The following CAP2 variants were observed in gnomAD, a reference collection of about 807,000 sequenced individuals.
The protein encoded by CAP2 is adenylyl cyclase-associated protein 2.
Under a neutral mutation model 57.7 loss-of-function variants are expected in CAP2, and 24 were observed. The ratio of observed to expected loss-of-function variants is 0.42; its 90% CI spans 0.30 to 0.58. The LOEUF (loss-of-function observed/expected upper bound fraction) is 0.58, where lower values mean the gene tolerates loss of function less well. Among genes scored for constraint, CAP2 ranks in the 20% least tolerant of loss-of-function variants. CAP2 has a pLI of 0.22. For missense variants in CAP2, 501 were observed against 590.3 expected (o/e 0.85, Z 1.57); for synonymous variants, 194 against 207.2 (o/e 0.94, Z 0.55).
chr6:17,543,259 T>A, intron 11 of CAP2, 116 bp downstream of exon 11: 1 of 815,514 alleles, frequency 1.2e-6, no homozygotes, highest in Non-Finnish European at 2.1e-6. Context: ...CACGCTGTAA[T>A]AAGCAGCCTT....
rs752335587 is a variant in CAP2, at chr6:17,430,695, C to T, written c.222+4005C>T. On this transcript the variant is annotated intron_variant, in intron 3 of 12. Coordinates refer to ENST00000229922, the MANE Select transcript of CAP2 (RefSeq NM_006366.3). ...CTGGGATTACAGCCGCACGCCACTACGTCTGGCTAATTTTTGTATTTTTCG... is the reference window on the plus strand; with the variant it reads ...CTGGGATTACAGCCGCACGCCACTATGTCTGGCTAATTTTTGTATTTTTCG... 1.7e-4 allele frequency among the ~76,000 whole-genome samples: 26 copies of T among 152,094 alleles called. 1 individual carries two copies. Among genetic ancestry groups the T allele is most frequent in the Non-Finnish European group, 3.1e-4 (21 of 68,022 alleles).
chr6:17,432,584 T>C (rs1334441547), intron 3 of CAP2, among the ~76,000 whole-genome samples: 1 of 152,216 alleles, frequency 6.6e-6, no homozygotes, highest in African/African-American at 2.4e-5. Context: ...GCATCAAGAA[T>C]TCTGCCTCTA....
chr6:17,440,465 A>ACCTCTTC (rs1388303101), intron 3 of CAP2, among the ~76,000 whole-genome samples: 1 of 151,138 alleles, frequency 6.6e-6, no homozygotes, highest in Non-Finnish European at 1.5e-5. Flanking sequence ...GTAATTACTG[A>ACCTCTTC]CCTCTTCCTT....
At chr6:17,432,481 A>G (rs2113548013) in intron 3 of CAP2, among the ~76,000 whole-genome samples, 1 of 152,286 alleles carries the variant, frequency 6.6e-6, no homozygotes, top group East Asian at 1.9e-4. Flanking sequence ...AATTTTTATT[A>G]CCACTAGATG....
intron 4 of CAP2, among the ~76,000 whole-genome samples, chr6:17,485,863 G>A (rs148418460): frequency 4.1e-4 from 63 of 152,314 alleles, no homozygotes; most frequent in Non-Finnish European, 6.2e-4. Flanking sequence ...TAGCGCAGAG[G>A]CTTCTGAGGA....
intron 4 of CAP2, among the ~76,000 whole-genome samples, chr6:17,481,285 TG>T (rs1265361359): frequency 5.9e-5 from 9 of 152,222 alleles, no homozygotes; most frequent in Non-Finnish European, 1.3e-4. Context: ...GTGGTTTTTA[TG>T]GCAGATTTTA....
chr6:17,455,010 A>G lies in CAP2; in HGVS notation c.223-7986A>G, dbSNP rs560232520. Among the ~76,000 whole-genome samples the G allele has an allele frequency of 5.9e-5, 9 of 152,318 alleles. No individual in the cohort carries two copies. In the South Asian group the frequency reaches 1.9e-3, roughly 32 times the overall value. The stretch of plus-strand genomic sequence containing the variant: ...TTTGTTACAGTAGGTTGTTAGTCAG[A>G]CATGAGCAGGGCAGGAGAGCCCCCG... On this transcript the variant is annotated intron_variant, in intron 3 of 12. Transcript: ENST00000229922.
intron 7 of CAP2, among the ~76,000 whole-genome samples, chr6:17,537,865 G>A (rs993535546): frequency 2.8e-4 from 42 of 151,924 alleles, no homozygotes; most frequent in Non-Finnish European, 4.9e-4. Context: ...TCAGGAGTTC[G>A]AGACCAGCCT....
At chr6:17,548,740 A>G (rs1381586647) in intron 11 of CAP2, among the ~76,000 whole-genome samples, 1 of 152,232 alleles carries the variant, frequency 6.6e-6, no homozygotes, top group Non-Finnish European at 1.5e-5. Flanking sequence ...AAAGTGCTAT[A>G]TTGTTAGTGA....
chr6:17,461,085 G>C (rs1044068677), intron 3 of CAP2, among the ~76,000 whole-genome samples: 2 of 152,072 alleles, frequency 1.3e-5, no homozygotes, highest in African/African-American at 2.4e-5. Flanking sequence ...AGAGTTGGAG[G>C]CTTCCGTGAA....
chr6:17,553,189 C>T (rs1763210452), intron 12 of CAP2, among the ~76,000 whole-genome samples: 1 of 152,170 alleles, frequency 6.6e-6, no homozygotes, highest in African/African-American at 2.4e-5. Context: ...TGGATGAACA[C>T]TGCAGACTAA....
At chr6:17,516,939 G>GT (rs914249073) in intron 7 of CAP2, among the ~76,000 whole-genome samples, 11 of 150,676 alleles carry the variant, frequency 7.3e-5, no homozygotes, top group African/African-American at 1.2e-4. Flanking sequence ...TAAGCGGATT[G>GT]TTTTTTTTTT....
Position 17,494,174 on chromosome 6 carries a change from C to T in CAP2, c.301-12995C>T, listed in dbSNP as rs1390222022. Among the ~76,000 whole-genome samples the T allele has an allele frequency of 3.3e-5, 5 of 152,186 alleles. No individual in the cohort carries two copies. In the East Asian group the frequency reaches 5.8e-4, roughly 18 times the overall value. ...CAATAATCTATTCTCAATACAGCAG[C>T]CAGAGCGATCCTTAGAAAAGAAAAC... On this transcript the variant is annotated intron_variant, in intron 4 of 12. Transcript: ENST00000229922.
chr6:17,417,125 T>A (rs1759299767), intron 1 of CAP2, among the ~76,000 whole-genome samples: 1 of 144,012 alleles, frequency 6.9e-6, no homozygotes. Flanking sequence ...CCTTGAAAAG[T>A]GAGGGGAAAA....
At chr6:17,508,089 G>C (rs1455554718) in intron 6 of CAP2, among the ~76,000 whole-genome samples, 1 of 152,172 alleles carries the variant, frequency 6.6e-6, no homozygotes, top group African/African-American at 2.4e-5. Context: ...GTGAGCTATA[G>C]AAGAGAGGAG....
At chr6:17,524,296 G>A (rs1479561662) in intron 7 of CAP2, among the ~76,000 whole-genome samples, 1 of 152,142 alleles carries the variant, frequency 6.6e-6, no homozygotes, top group East Asian at 1.9e-4. Context: ...CAGTCATTAA[G>A]AGCTATACTG....
intron 7 of CAP2, among the ~76,000 whole-genome samples, chr6:17,519,770 A>C (rs916619717): frequency 6.6e-6 from 1 of 152,226 alleles, no homozygotes; most frequent in Admixed American, 6.5e-5. Context: ...GAAATAATTG[A>C]CTTTTTTCCT....
intron 1 of CAP2, among the ~76,000 whole-genome samples, chr6:17,416,662 A>G (rs753682406): frequency 6.6e-6 from 1 of 152,202 alleles, no homozygotes; most frequent in Non-Finnish European, 1.5e-5. Context: ...CATGTTATTT[A>G]GACATAAGGG....
At chr6:17,517,729 T>A (rs1762302414) in intron 7 of CAP2, among the ~76,000 whole-genome samples, 1 of 151,926 alleles carries the variant, frequency 6.6e-6, no homozygotes, top group Non-Finnish European at 1.5e-5. Flanking sequence ...AGCAAAACAC[T>A]GTCTCTACTA....
Sources: gnomAD v4.1 joint callset for allele counts (sites outside exome capture counted in the v4.1 genomes callset) on GRCh38, gnomAD v4.1.1 for gene constraint, MANE v1.5 for transcripts, NCBI Gene and HGNC (gene_info 2026-07-23, HGNC 2026-07-21) for gene names.